Variants in CHEK1 observed in about 807,000 individuals in gnomAD.
The protein encoded by CHEK1 is serine/threonine-protein kinase Chk1.
A neutral mutation model predicts 60.2 loss-of-function variants in CHEK1; 32 were observed. That is an observed-to-expected ratio of 0.53 (90% confidence interval 0.40 to 0.71). The LOEUF is 0.71. Among genes scored for constraint, CHEK1 ranks in the 30% least tolerant of loss-of-function variants. The probability of loss-of-function intolerance (pLI) is 0.00; values close to 1 mark genes in which losing one functional copy is unlikely to be tolerated. For missense variants in CHEK1, 399 were observed against 564.6 expected, an observed-to-expected ratio of 0.71 and a Z score of 2.97; for synonymous variants, 179 against 187.2, an observed-to-expected ratio of 0.96 and a Z score of 0.36.
At chr11:125,635,669 A>G (rs1591398704) in intron 7 of CHEK1, 136 bp downstream of exon 7, 4 of 537,270 alleles carry the variant, frequency 7.4e-6, no homozygotes, top group Middle Eastern at 4.4e-4. Context: ...AATAGTAACT[A>G]TAAGTAAAAA....
Sources: allele counts gnomAD v4.1 joint callset, GRCh38; gene constraint gnomAD v4.1.1; transcripts MANE v1.5; gene names NCBI Gene and HGNC (gene_info 2026-07-23, HGNC 2026-07-21).